ABHD2: variants seen among roughly 807,000 people sequenced by gnomAD.
The protein encoded by ABHD2 is monoacylglycerol lipase ABHD2.
ABHD2 carries 20 observed loss-of-function variants against 48.1 expected under a neutral mutation model. The ratio of observed to expected loss-of-function variants is 0.42; its 90% CI spans 0.29 to 0.60. The LOEUF is 0.60. Among genes scored for constraint, ABHD2 ranks in the 20% least tolerant of loss-of-function variants. ABHD2 has a pLI of 0.24. For synonymous variants in ABHD2, 209 were observed against 214.2 expected (o/e 0.98, Z 0.21); for missense variants, 405 against 550.9 (o/e 0.74, Z 2.65).
chr15:89,068,752 C>CAGTTTTT, the ABHD2 span, among the ~76,000 whole-genome samples: 101 of 85,160 alleles, frequency 1.2e-3, no homozygotes, highest in African/African-American at 3.1e-3. Flanking sequence ...GGCAAGCTTC[C>CAGTTTTT]TCTTTTTTTT....
intron 3 of ABHD2, among the ~76,000 whole-genome samples, chr15:89,148,118 C>CAA (rs10711138): frequency 0.012 from 820 of 68,930 alleles, no homozygotes; most frequent in Non-Finnish European, 0.015. Flanking sequence ...GACTCCGTCT[C>CAA]AAAAAAAAAA....
chr15:89,125,189 G>C (rs2050112562), intron 3 of ABHD2, among the ~76,000 whole-genome samples: 1 of 151,970 alleles, frequency 6.6e-6, no homozygotes, highest in Admixed American at 6.6e-5. Flanking sequence ...CTGTGAGGCA[G>C]AGGTTGCAGT....
chr15:89,201,624 C>G lies in ABHD2; in HGVS notation c.*6201C>G. On this transcript the variant is annotated 3_prime_UTR_variant, in exon 11 of 11. Coordinates refer to ENST00000352732, the MANE Select transcript of ABHD2 (RefSeq NM_152924.5). Reference sequence around the variant, plus strand: ...AATAATTCCACTGTTGGGCCTCACACAGTACCGGTGAGGCACGGTAGTCTT... The same window carrying G: ...AATAATTCCACTGTTGGGCCTCACAGAGTACCGGTGAGGCACGGTAGTCTT... The G allele has an allele frequency of 6.3e-7, 1 of 1,591,368 alleles. No homozygotes were observed. Among genetic ancestry groups the G allele is most frequent in the Non-Finnish European group, 8.6e-7 (1 of 1,159,268 alleles).
At chr15:89,117,512 G>A (rs186460773) in intron 3 of ABHD2, among the ~76,000 whole-genome samples, 44 of 152,300 alleles carry the variant, frequency 2.9e-4, no homozygotes, top group African/African-American at 9.6e-4. Context: ...GCCAAGCCTC[G>A]TGCACAGTGG....
chr15:89,100,463 C>A lies in ABHD2; in HGVS notation c.-107+11900C>A, dbSNP rs1389924944. Among the ~76,000 whole-genome samples the A allele has an allele frequency of 6.6e-6, 1 of 152,108 alleles. No individual in the cohort carries two copies. Among genetic ancestry groups the A allele is most frequent in the Non-Finnish European group, 1.5e-5 (1 of 67,998 alleles). The stretch of plus-strand genomic sequence containing the variant: ...AGTTCAGGTCAAATCTGTCTGTGTC[C>A]AGATCCTGCAAGTAGCCTCTCTACC... On this transcript the variant is annotated intron_variant, in intron 1 of 10. Coordinates refer to ENST00000352732, the MANE Select transcript of ABHD2 (RefSeq NM_152924.5). The surrounding 1 kb of genome is among the most constrained non-coding windows in gnomAD (Gnocchi z 4.4).
chr15:89,060,740 GA>G, the ABHD2 span, among the ~76,000 whole-genome samples: 1 of 151,772 alleles, frequency 6.6e-6, no homozygotes, highest in African/African-American at 2.4e-5. Context: ...AAACGTATAA[GA>G]ATAAAGACAA....
At chr15:89,105,494 A>G (rs952786877) in intron 1 of ABHD2, among the ~76,000 whole-genome samples, 3 of 152,256 alleles carry the variant, frequency 2.0e-5, no homozygotes, top group Non-Finnish European at 4.4e-5. Flanking sequence ...TTATCACATG[A>G]GTAGGTTTGC....
intron 10 of ABHD2, chr15:89,193,536 A>G: frequency 1.7e-6 from 1 of 586,682 alleles, no homozygotes; most frequent in Non-Finnish European, 3.0e-6. Flanking sequence ...GGCATGAGAC[A>G]GGACCACCAT....
rs568739282 is a variant in ABHD2, at chr15:89,168,816, A to T, written c.539-6996A>T. On this transcript the variant is annotated intron_variant, in intron 5 of 10. Coordinates refer to ENST00000352732, the MANE Select transcript of ABHD2 (RefSeq NM_152924.5). The surrounding 1 kb of genome is among the most constrained non-coding windows in gnomAD (Gnocchi z 4.8). ...GCTGGGTGCAGTGGCTCACACCTGT[A>T]ATCTCAGCACTTTGGGAAAGGAAGC... 5.3e-5 allele frequency among the ~76,000 whole-genome samples: 8 copies of T among 152,308 alleles called. No homozygotes were observed. Among genetic ancestry groups the T allele is most frequent in the African/African-American group, 1.4e-4 (6 of 41,572 alleles).
Position 89,120,170 on chromosome 15 carries a change from C to G in ABHD2, c.194+3649C>G, listed in dbSNP as rs1422151128. On this transcript the variant is annotated intron_variant, in intron 3 of 10. Transcript: ENST00000352732. This position sits in a 1 kb window ranked among gnomAD's most constrained non-coding sequence, Gnocchi z 4.2. ...TCAGCATTAAAGTCAATTTGAAAATCTGTTCTAAGATGATTTACCCAAAGA... is the reference window on the plus strand; with the variant it reads ...TCAGCATTAAAGTCAATTTGAAAATGTGTTCTAAGATGATTTACCCAAAGA... Among the ~76,000 whole-genome samples the G allele has an allele frequency of 6.6e-6, 1 of 152,220 alleles. No individual in the cohort carries two copies. Among genetic ancestry groups the G allele is most frequent in the Non-Finnish European group, 1.5e-5 (1 of 68,032 alleles).
Position 89,120,979 on chromosome 15 carries a change from C to G in ABHD2, c.194+4458C>G, listed in dbSNP as rs1312729146. On this transcript the variant is annotated intron_variant, in intron 3 of 10. Coordinates refer to ENST00000352732, the MANE Select transcript of ABHD2 (RefSeq NM_152924.5). The surrounding 1 kb of genome is among the most constrained non-coding windows in gnomAD (Gnocchi z 4.2). The stretch of plus-strand genomic sequence containing the variant: ...TAGATATTGTTTAGTAACCTGCTTT[C>G]ACCAAACCATGATGAACGTTGCCAT... The G allele has an allele frequency of 6.6e-6, 1 of 152,228 alleles. No individual in the cohort carries two copies. The highest frequency in any genetic ancestry group is 1.5e-5 in the Non-Finnish European group (1 of 68,042). The allele number at this position is 152,228 out of a possible 1,614,324, so 9.4% of individuals were successfully genotyped here.
rs543381016 is a variant in ABHD2, at chr15:89,173,319, T to C, written c.539-2493T>C. On this transcript the variant is annotated intron_variant, in intron 5 of 10. Transcript: ENST00000352732. The surrounding 1 kb of genome is among the most constrained non-coding windows in gnomAD (Gnocchi z 6.5). ...CCAGGGCAGTGGCTCATGCCTGTAA[T>C]CCCAGCACTTTGGGAGGCGGAGGCA... Among the ~76,000 whole-genome samples, 2 of 152,296 alleles carry C rather than the reference T, an allele frequency of 1.3e-5. No homozygotes were observed. Among genetic ancestry groups the C allele is most frequent in the South Asian group, 4.1e-4 (2 of 4,828 alleles).
rs1243320754 is a variant in ABHD2, at chr15:89,120,610, C to T, written c.194+4089C>T. Among the ~76,000 whole-genome samples, 2 of 152,142 alleles carry T rather than the reference C, an allele frequency of 1.3e-5. No homozygotes were observed. The highest frequency in any genetic ancestry group is 4.8e-5 in the African/African-American group (2 of 41,402). ...CAAGTGATTCTCCTACCTCAGCCTC[C>T]TGAGTAGCTGGGATTACAGGCGCAT... On this transcript the variant is annotated intron_variant, in intron 3 of 10. Coordinates refer to ENST00000352732, the MANE Select transcript of ABHD2 (RefSeq NM_152924.5). This position sits in a 1 kb window ranked among gnomAD's most constrained non-coding sequence, Gnocchi z 4.2.
intron 3 of ABHD2, among the ~76,000 whole-genome samples, chr15:89,133,876 A>C (rs1465379123): frequency 2.2e-5 from 3 of 134,182 alleles, no homozygotes; most frequent in African/African-American, 8.5e-5. Context: ...TCGCTCTGTC[A>C]CCCAGGCTAG....
chr15:89,201,663 A>C lies in ABHD2; in HGVS notation c.*6240A>C. The stretch of plus-strand genomic sequence containing the variant: ...CACGGTAGTCTTCACTTTGAAACAC[A>C]CTTTTCTATCCGATGGATTTCGCAA... On this transcript the variant is annotated 3_prime_UTR_variant, in exon 11 of 11. Transcript: ENST00000352732. The C allele has an allele frequency of 6.2e-7, 1 of 1,608,202 alleles. No individual in the cohort carries two copies.
At chr15:89,072,648 A>G in the ABHD2 span, among the ~76,000 whole-genome samples, 1 of 152,138 alleles carries the variant, frequency 6.6e-6, no homozygotes, top group Non-Finnish European at 1.5e-5. Flanking sequence ...CACTGAGTTG[A>G]GAAGGTCATT....
At chr15:89,171,344 G>T (rs750659848) in intron 5 of ABHD2, among the ~76,000 whole-genome samples, 2 of 152,130 alleles carry the variant, frequency 1.3e-5, no homozygotes, top group African/African-American at 2.4e-5. Flanking sequence ...GTCCAAGAAT[G>T]TGCATTTGAA....
chr15:89,059,221 G>C, the ABHD2 span, among the ~76,000 whole-genome samples: 1 of 152,136 alleles, frequency 6.6e-6, no homozygotes, highest in East Asian at 1.9e-4. Context: ...ATGCCCATAT[G>C]CCAGGGGATC....
At position 89,094,838 on chromosome 15, in the gene ABHD2, G is replaced by A. The variant is rs181602681; in HGVS notation, c.-107+6275G>A. ...AGTACTTTGAGAGGCCGAGGCAGGCGGATCACTTGAGACCAGGAGTTCGAG... is the reference window on the plus strand; with the variant it reads ...AGTACTTTGAGAGGCCGAGGCAGGCAGATCACTTGAGACCAGGAGTTCGAG... On this transcript the variant is annotated intron_variant, in intron 1 of 10. Coordinates refer to ENST00000352732, the MANE Select transcript of ABHD2 (RefSeq NM_152924.5). The surrounding 1 kb of genome is among the most constrained non-coding windows in gnomAD (Gnocchi z 4.7). Among the ~76,000 whole-genome samples, 392 of 152,094 alleles carry A rather than the reference G, an allele frequency of 2.6e-3. 2 individuals carry two copies. The highest frequency in any genetic ancestry group is 9.0e-3 in the African/African-American group (373 of 41,480).
Sources: allele counts gnomAD v4.1 joint callset (sites outside exome capture counted in the v4.1 genomes callset), GRCh38; gene constraint gnomAD v4.1.1; non-coding constraint Gnocchi (gnomAD v3.1); transcripts MANE v1.5; gene names NCBI Gene and HGNC (gene_info 2026-07-23, HGNC 2026-07-21).